The following CADPS2 variants were observed in gnomAD, a reference collection of about 807,000 sequenced individuals.
CADPS2 encodes calcium dependent secretion activator 2.
A neutral mutation model predicts 172.5 loss-of-function variants in CADPS2; 93 were observed. The ratio of observed to expected loss-of-function variants is 0.54; its 90% CI spans 0.46 to 0.64. The LOEUF (loss-of-function observed/expected upper bound fraction) is 0.64, where lower values mean the gene tolerates loss of function less well. CADPS2 is among the 30% of genes least tolerant of loss of function. The pLI, the probability that CADPS2 is intolerant of heterozygous loss-of-function variation, is 0.00. For missense variants in CADPS2, 1,420 were observed against 1,565.9 expected, an observed-to-expected ratio of 0.91 and a Z score of 1.57; for synonymous variants, 546 against 555.2, an observed-to-expected ratio of 0.98 and a Z score of 0.23.
intron 2 of CADPS2, among the ~76,000 whole-genome samples, chr7:122,669,725 C>G (rs149315437): frequency 4.6e-5 from 7 of 152,066 alleles, no homozygotes; most frequent in Admixed American, 1.3e-4. Flanking sequence ...ATCACACATA[C>G]TCTGAAGGCC....
intron 3 of CADPS2, among the ~76,000 whole-genome samples, chr7:122,645,540 ACTT>A (rs2078408852): frequency 7.6e-6 from 1 of 131,034 alleles, no homozygotes; most frequent in African/African-American, 2.8e-5. Context: ...ATATATATAT[ACTT>A]ATATATATAC....
chr7:122,740,128 C>T (rs1455251247), intron 1 of CADPS2, among the ~76,000 whole-genome samples: 2 of 152,128 alleles, frequency 1.3e-5, no homozygotes, highest in Admixed American at 1.3e-4. Context: ...TTCTTTGCTA[C>T]TGGGAAAGCA....
At chr7:122,358,004 T>A (rs1369556884) in intron 27 of CADPS2, among the ~76,000 whole-genome samples, 1 of 152,124 alleles carries the variant, frequency 6.6e-6, no homozygotes. Context: ...AGAACTGTGA[T>A]TGGTGGGTTA....
intron 8 of CADPS2, among the ~76,000 whole-genome samples, chr7:122,516,066 T>C (rs979696250): frequency 4.6e-5 from 7 of 152,100 alleles, no homozygotes; most frequent in Admixed American, 3.3e-4. Flanking sequence ...GATACATACA[T>C]GTTGTATTAG....
At chr7:122,390,332 G>C (rs970695303) in intron 22 of CADPS2, among the ~76,000 whole-genome samples, 4 of 151,944 alleles carry the variant, frequency 2.6e-5, no homozygotes, top group Admixed American at 2.6e-4. Context: ...ACAATTAAGA[G>C]AAAACAAACA....
rs569813072 is a variant in CADPS2 at position 122,792,641 on chromosome 7, T to C, written c.340-55573A>G. On this transcript the variant is annotated intron_variant, in intron 1 of 29. Transcript: ENST00000449022. ...ATTAACAAACTTATTTAGTAGTATG[T>C]CATTATAGATTTCAAGTACATTAGA... is the stretch of plus-strand genomic sequence containing the variant. Among the ~76,000 whole-genome samples the C allele has an allele frequency of 1.1e-3, 162 of 152,314 alleles. 5 individuals carry two copies. The South Asian group carries it at 0.033, about 31-fold the overall frequency.
chr7:122,367,420 C>G (rs748901890), intron 25 of CADPS2, among the ~76,000 whole-genome samples: 1 of 151,320 alleles, frequency 6.6e-6, no homozygotes, highest in African/African-American at 2.4e-5. Flanking sequence ...TTGGATATTA[C>G]AGAAATGATC....
intron 8 of CADPS2, among the ~76,000 whole-genome samples, chr7:122,550,325 T>G (rs999192847): frequency 6.6e-6 from 1 of 152,164 alleles, no homozygotes; most frequent in Non-Finnish European, 1.5e-5. Flanking sequence ...AATGTGTAAA[T>G]AGCCAAGCAT....
intron 20 of CADPS2, among the ~76,000 whole-genome samples, chr7:122,402,933 A>T (rs1308816422): frequency 1.3e-5 from 2 of 152,230 alleles, no homozygotes; most frequent in African/African-American, 2.4e-5. Context: ...TTGGGTCAAC[A>T]TGGTAAAAAC....
At chr7:122,575,638 T>C (rs996668356) in intron 7 of CADPS2, among the ~76,000 whole-genome samples, 4 of 152,104 alleles carry the variant, frequency 2.6e-5, no homozygotes, top group East Asian at 1.9e-4. Flanking sequence ...GGTTTCACCA[T>C]GTTGGCCAGG....
intron 1 of CADPS2, among the ~76,000 whole-genome samples, chr7:122,740,522 G>T (rs992244433): frequency 2.0e-5 from 3 of 152,026 alleles, no homozygotes; most frequent in Non-Finnish European, 2.9e-5. Context: ...ACAGTAAAAA[G>T]ATCAGCTGTT....
At chr7:122,853,413 C>T (rs980536649) in intron 1 of CADPS2, among the ~76,000 whole-genome samples, 7 of 152,150 alleles carry the variant, frequency 4.6e-5, no homozygotes, top group South Asian at 4.1e-4. Context: ...TAGCTGAGTT[C>T]GCACCAGGCA....
rs1440915232 is a variant in CADPS2, at chr7:122,345,506, C to T, written c.3612+68G>A. ...AGACTATGCTTTGCAAACATACCAT[C>T]AAAATTCAACTTTTCTCTTTGCAGT... On this transcript the variant is annotated intron_variant, in intron 28 of 29. Transcript: ENST00000449022. 5.2e-6 allele frequency: 5 copies of T among 955,092 alleles called. No homozygotes were observed. The East Asian group carries it at 1.2e-4, about 23-fold the overall frequency. The allele number at this position is 955,092 out of a possible 1,614,324, so 59.2% of individuals were successfully genotyped here.
intron 19 of CADPS2, chr7:122,409,646 T>G (rs1052375749): frequency 2.1e-6 from 1 of 471,170 alleles, no homozygotes; most frequent in Non-Finnish European, 4.4e-6. Flanking sequence ...TAAATAACGC[T>G]TTAAGCAATC....
chr7:122,366,386 C>T (rs1477096294), intron 25 of CADPS2, among the ~76,000 whole-genome samples: 3 of 149,228 alleles, frequency 2.0e-5, no homozygotes, highest in South Asian at 2.1e-4. Context: ...GGGTGAATCA[C>T]GAGGTCAGGC....
At chr7:122,363,181 T>C (rs972676352) in intron 25 of CADPS2, among the ~76,000 whole-genome samples, 2 of 152,214 alleles carry the variant, frequency 1.3e-5, no homozygotes, top group African/African-American at 2.4e-5. Flanking sequence ...TCTAGGGTTA[T>C]GTCAGACCAG....
chr7:122,502,334 G>A (rs908420561), intron 9 of CADPS2, among the ~76,000 whole-genome samples: 2 of 151,984 alleles, frequency 1.3e-5, no homozygotes, highest in Non-Finnish European at 2.9e-5. Context: ...TTCATTCTGA[G>A]AAGCTGACTG....
intron 1 of CADPS2, among the ~76,000 whole-genome samples, chr7:122,819,230 C>G (rs978332823): frequency 1.3e-5 from 2 of 152,148 alleles, no homozygotes; most frequent in Admixed American, 6.5e-5. Context: ...AAGGAATGCC[C>G]GCAGCCCAGG....
At chr7:122,574,485 A>AGAAGTGTTG (rs1451782248) in intron 7 of CADPS2, among the ~76,000 whole-genome samples, 1 of 139,554 alleles carries the variant, frequency 7.2e-6, no homozygotes, top group South Asian at 2.4e-4. Context: ...TTCTCAACTA[A>AGAAGTGTTG]GAAGTGTTGA....
Sources: allele counts gnomAD v4.1 joint callset (sites outside exome capture counted in the v4.1 genomes callset), GRCh38; gene constraint gnomAD v4.1.1; transcripts MANE v1.5; gene names NCBI Gene and HGNC (gene_info 2026-07-23, HGNC 2026-07-21).